The following LRRTM4 variants were observed in gnomAD, a reference collection of about 807,000 sequenced individuals.
The protein encoded by LRRTM4 is leucine-rich repeat transmembrane neuronal protein 4.
A neutral mutation model predicts 47.6 loss-of-function variants in LRRTM4; 25 were observed. The observed-to-expected ratio is 0.53, with a 90% CI of 0.38 to 0.73. The LOEUF is 0.73. LRRTM4 is among the 30% of genes least tolerant of loss of function. LRRTM4 has a pLI of 0.00. For missense variants in LRRTM4, 638 were observed against 713.4 expected (o/e 0.89, Z 1.20); for synonymous variants, 311 against 269.5 (o/e 1.15, Z -1.51).
At chr2:76,834,731 A>T (rs1256296089) in intron 3 of LRRTM4, among the ~76,000 whole-genome samples, 1 of 152,136 alleles carries the variant, frequency 6.6e-6, no homozygotes, top group Non-Finnish European at 1.5e-5. Context: ...TTCTTGAAGA[A>T]ATGATACACA....
chr2:77,440,122 A>G (rs1301786916), intron 3 of LRRTM4, among the ~76,000 whole-genome samples: 1 of 151,826 alleles, frequency 6.6e-6, no homozygotes, highest in Non-Finnish European at 1.5e-5. Flanking sequence ...TGTATTAAAA[A>G]CCGTGTGTGA....
intron 3 of LRRTM4, among the ~76,000 whole-genome samples, chr2:76,856,787 G>T (rs1476379732): frequency 6.6e-6 from 1 of 151,056 alleles, no homozygotes; most frequent in Non-Finnish European, 1.5e-5. Context: ...TTGTAAAAAA[G>T]AAAAAAAAGC....
At chr2:77,368,773 C>T (rs527431327) in intron 3 of LRRTM4, among the ~76,000 whole-genome samples, 3 of 151,788 alleles carry the variant, frequency 2.0e-5, no homozygotes, top group Middle Eastern at 3.4e-3. Flanking sequence ...ATCCACGTAT[C>T]GGCTGTAGTG....
intron 3 of LRRTM4, among the ~76,000 whole-genome samples, chr2:76,882,188 T>A (rs1672950282): frequency 6.6e-6 from 1 of 152,170 alleles, no homozygotes; most frequent in Admixed American, 6.5e-5. Context: ...GATGTCTATA[T>A]AAGATATTAA....
At chr2:76,817,369 A>T (rs570711273) in intron 3 of LRRTM4, among the ~76,000 whole-genome samples, 69 of 152,136 alleles carry the variant, frequency 4.5e-4, no homozygotes, top group African/African-American at 1.5e-3. Context: ...ATGATTATTA[A>T]GGAAGTAAAA....
chr2:76,965,020 A>G (rs747866165), intron 3 of LRRTM4, among the ~76,000 whole-genome samples: 1 of 151,122 alleles, frequency 6.6e-6, no homozygotes, highest in Admixed American at 6.6e-5. Flanking sequence ...GCCCATATCT[A>G]TTAATGAAAT....
intron 3 of LRRTM4, among the ~76,000 whole-genome samples, chr2:77,032,962 C>T (rs1215017316): frequency 6.6e-6 from 1 of 151,934 alleles, no homozygotes; most frequent in African/African-American, 2.4e-5. Context: ...GTGATCTACC[C>T]GTGACACATT....
At chr2:76,760,992 T>G (rs1264499987) in intron 3 of LRRTM4, among the ~76,000 whole-genome samples, 1 of 152,226 alleles carries the variant, frequency 6.6e-6, no homozygotes, top group Non-Finnish European at 1.5e-5. Context: ...CTGGTCCCTA[T>G]CCCAGATCAA....
chr2:77,029,448 G>A (rs940678860), intron 3 of LRRTM4, among the ~76,000 whole-genome samples: 5 of 151,906 alleles, frequency 3.3e-5, no homozygotes, highest in African/African-American at 9.7e-5. Flanking sequence ...TGAAGAACTT[G>A]GAGTCTGATG....
At chr2:77,154,817 G>T (rs1672516153) in intron 3 of LRRTM4, among the ~76,000 whole-genome samples, 1 of 152,044 alleles carries the variant, frequency 6.6e-6, no homozygotes, top group African/African-American at 2.4e-5. Context: ...GAGTCAAAGA[G>T]CCTGATTCAT....
intron 3 of LRRTM4, among the ~76,000 whole-genome samples, chr2:77,098,100 A>G (rs1220846079): frequency 6.6e-6 from 1 of 152,056 alleles, no homozygotes; most frequent in African/African-American, 2.4e-5. Context: ...GAAACTTATT[A>G]TTCACACTTG....
intron 3 of LRRTM4, among the ~76,000 whole-genome samples, chr2:77,032,505 A>T (rs1678696339): frequency 6.6e-6 from 1 of 152,152 alleles, no homozygotes; most frequent in Non-Finnish European, 1.5e-5. Context: ...TAGAGCAGAA[A>T]TTGGCACAAA....
chr2:77,286,112 T>C (rs1469482898), intron 3 of LRRTM4, among the ~76,000 whole-genome samples: 1 of 152,094 alleles, frequency 6.6e-6, no homozygotes, highest in Non-Finnish European at 1.5e-5. Flanking sequence ...TATGGCAAAA[T>C]TGGATGTTTC....
chr2:76,840,897 C>A (rs989787772), intron 3 of LRRTM4, among the ~76,000 whole-genome samples: 3 of 151,798 alleles, frequency 2.0e-5, no homozygotes, highest in Non-Finnish European at 4.4e-5. Context: ...ACTAGAAATA[C>A]CATTTGACCC....
chr2:76,751,601 A>G (rs1233316231), intron 3 of LRRTM4, among the ~76,000 whole-genome samples: 2 of 152,118 alleles, frequency 1.3e-5, no homozygotes, highest in Middle Eastern at 3.4e-3. Context: ...CCCCAAGTCT[A>G]TTGTTTTGTT....
chr2:77,508,191 C>A (rs2104096047), intron 3 of LRRTM4, among the ~76,000 whole-genome samples: 1 of 152,230 alleles, frequency 6.6e-6, no homozygotes, highest in African/African-American at 2.4e-5. Flanking sequence ...TTTCCCCCAG[C>A]CTTCTCCAGC....
chr2:77,180,117 G>T (rs1022797800), intron 3 of LRRTM4, among the ~76,000 whole-genome samples: 1 of 152,050 alleles, frequency 6.6e-6, no homozygotes, highest in Admixed American at 6.6e-5. Context: ...ACTTGTCAGA[G>T]GCAATGTAAA....
intron 3 of LRRTM4, among the ~76,000 whole-genome samples, chr2:76,946,361 C>T (rs761645313): frequency 2.0e-5 from 3 of 151,760 alleles, no homozygotes; most frequent in Non-Finnish European, 2.9e-5. Context: ...TTGCTGACAT[C>T]CCCATTTGCA....
At chr2:77,360,723 C>T (rs1362537326) in intron 3 of LRRTM4, among the ~76,000 whole-genome samples, 2 of 152,040 alleles carry the variant, frequency 1.3e-5, no homozygotes, top group Non-Finnish European at 2.9e-5. Flanking sequence ...TATTTCAAGG[C>T]ATTACAATGT....
Sources: allele counts gnomAD v4.1 joint callset (sites outside exome capture counted in the v4.1 genomes callset), GRCh38; gene constraint gnomAD v4.1.1; transcripts MANE v1.5; gene names NCBI Gene and HGNC (gene_info 2026-07-23, HGNC 2026-07-21).